Variants in WDR17 observed in about 807,000 individuals in gnomAD.
WDR17 encodes WD repeat domain 17, also known as WD repeat-containing protein 17.
Under a neutral mutation model 161.7 loss-of-function variants are expected in WDR17, and 143 were observed. The observed-to-expected ratio is 0.88, with a 90% CI of 0.77 to 1.02. The LOEUF (loss-of-function observed/expected upper bound fraction) is 1.02. Ranked by LOEUF, WDR17 falls within the 50% of genes least tolerant of loss-of-function variation. The probability of loss-of-function intolerance (pLI) is 0.00; values close to 1 mark genes in which losing one functional copy is unlikely to be tolerated. For synonymous variants in WDR17, 517 were observed against 515.6 expected, an observed-to-expected ratio of 1.00 and a Z score of -0.04; for missense variants, 1,469 against 1,520.9, an observed-to-expected ratio of 0.97 and a Z score of 0.57.
chr4:176,095,595 C>T, intron 1 of WDR17, among the ~76,000 whole-genome samples: 1 of 151,962 alleles, frequency 6.6e-6, no homozygotes, highest in Middle Eastern at 3.4e-3. Flanking sequence ...ATTGTAATTT[C>T]CCCCCTCCCC....
At position 176,177,052 on chromosome 4, in the gene WDR17, G is replaced by A. The variant is rs184279356; in HGVS notation, c.3450-6G>A. On this transcript the variant is annotated splice_region_variant and splice_polypyrimidine_tract_variant and intron_variant, in intron 26 of 28. Coordinates refer to ENST00000508596, the MANE Select transcript of WDR17 (RefSeq NM_181265.4). The stretch of plus-strand genomic sequence containing the variant: ...TCAGATGTTAATTTCCTTTTCACAC[G>A]TTCAGTCAGCTATTAAAACGTCGGG... The A allele has an allele frequency of 7.1e-5, 115 of 1,609,210 alleles. No homozygotes were observed. The African/African-American group carries it at 1.2e-3, about 16-fold the overall frequency.
intron 1 of WDR17, among the ~76,000 whole-genome samples, chr4:176,085,067 C>T (rs185711471): frequency 6.6e-6 from 1 of 151,818 alleles, no homozygotes; most frequent in East Asian, 1.9e-4. Context: ...GCAAGACTCC[C>T]TTGGCTATTC....
At chr4:176,105,904 G>T (rs1159227706) in intron 1 of WDR17, among the ~76,000 whole-genome samples, 1 of 151,780 alleles carries the variant, frequency 6.6e-6, no homozygotes, top group Non-Finnish European at 1.5e-5. Flanking sequence ...TAGAGAAAAA[G>T]ATCAACGAAA....
intron 21 of WDR17, 98 bp downstream of exon 21, chr4:176,162,272 G>A: frequency 9.7e-7 from 1 of 1,034,968 alleles, no homozygotes; most frequent in Non-Finnish European, 1.4e-6. Flanking sequence ...TGTGAGATCT[G>A]GTTTTGCATG....
chr4:176,106,998 A>G (rs946768890), intron 1 of WDR17, among the ~76,000 whole-genome samples: 4 of 152,140 alleles, frequency 2.6e-5, no homozygotes, highest in Non-Finnish European at 5.9e-5. Context: ...ATGGACAGCA[A>G]CCCACAGAAT....
In WDR17 at chr4:176,152,334, C is replaced by T. The variant is rs186187511; in HGVS notation, c.2460+367C>T. Among the ~76,000 whole-genome samples the T allele has an allele frequency of 3.1e-3, 437 of 142,456 alleles. 2 individuals carry two copies. The highest frequency in any genetic ancestry group is 0.011 in the African/African-American group (427 of 38,014). 93.5% of individuals were successfully genotyped at this position (142,456 alleles called of 152,430 possible). ...AAAAAAGCCTGAGCGTGGTGGCTCA[C>T]GCCTGTAATCCCAACACTTTGGGAG... On this transcript the variant is annotated intron_variant, in intron 17 of 28. Transcript: ENST00000508596.
chr4:176,134,015 T>C lies in WDR17; in HGVS notation c.1099-1093T>C, dbSNP rs78713672. On this transcript the variant is annotated intron_variant, in intron 7 of 28. Transcript: ENST00000508596. Reference sequence around the variant, plus strand: ...AATAACATTTAAAACTGCATGTAAGTCCCTGCCTGGATTATGTTCCTAACA... The same window carrying C: ...AATAACATTTAAAACTGCATGTAAGCCCCTGCCTGGATTATGTTCCTAACA... Among the ~76,000 whole-genome samples, 1,488 of 151,824 alleles carry C rather than the reference T, an allele frequency of 9.8e-3. 18 individuals are homozygous for C. The highest frequency in any genetic ancestry group is 0.034 in the African/African-American group (1,424 of 41,538).
intron 1 of WDR17, among the ~76,000 whole-genome samples, chr4:176,083,848 C>T (rs1735073179): frequency 6.6e-6 from 1 of 152,074 alleles, no homozygotes; most frequent in Admixed American, 6.6e-5. Flanking sequence ...TGGTATTGTG[C>T]AGTTTAGTCC....
intron 1 of WDR17, among the ~76,000 whole-genome samples, chr4:176,079,638 T>C (rs1368899134): frequency 3.9e-5 from 6 of 152,138 alleles, no homozygotes. Context: ...TATACCTACA[T>C]ACATATGTTG....
Position 176,130,502 on chromosome 4 carries a change from C to T in WDR17, c.914-1052C>T, listed in dbSNP as rs566428411. ...GCTCATGCCTGTAATCCCAGCACTT[C>T]GGGAGGCCAAGGCGGGCAGATCACA... On this transcript the variant is annotated intron_variant, in intron 6 of 28. Transcript: ENST00000508596. Among the ~76,000 whole-genome samples the T allele has an allele frequency of 2.7e-3, 406 of 151,960 alleles. 5 individuals carry two copies. Among genetic ancestry groups the T allele is most frequent in the Admixed American group, 4.5e-3 (68 of 15,252 alleles).
At chr4:176,142,909 C>T (rs892032614) in intron 11 of WDR17, among the ~76,000 whole-genome samples, 2 of 152,088 alleles carry the variant, frequency 1.3e-5, no homozygotes, top group Non-Finnish European at 2.9e-5. Flanking sequence ...GACGGAGTTT[C>T]ACTCTTGCTG....
chr4:176,139,947 T>C lies in WDR17; in HGVS notation c.1415T>C (p.Ile472Thr), dbSNP rs1328327102. The C allele has an allele frequency of 5.6e-6, 9 of 1,612,124 alleles. No individual in the cohort carries two copies. The highest frequency in any genetic ancestry group is 2.2e-5 in the East Asian group (1 of 44,724). ...IAWSHKDSKRIATCSSDGFCI... is the reference protein window; with the variant it reads ...IAWSHKDSKRTATCSSDGFCI... ...TGGAGTCATAAAGATTCTAAAAGAATAGCAACCTGCAGCAGTGATGGTTTC... is the reference window on the plus strand; with the variant it reads ...TGGAGTCATAAAGATTCTAAAAGAACAGCAACCTGCAGCAGTGATGGTTTC... The change falls in exon 10 of 29, where the codon ATA becomes ACA. Residue 472 changes from isoleucine (I) to threonine (T), a missense_variant. Physicochemically the swap from Ile to Thr is moderately conservative, Grantham distance 89. Coordinates refer to ENST00000508596, the MANE Select transcript of WDR17 (RefSeq NM_181265.4).
chr4:176,087,333 T>G (rs1301818190), intron 1 of WDR17, among the ~76,000 whole-genome samples: 1 of 152,120 alleles, frequency 6.6e-6, no homozygotes, highest in Admixed American at 6.5e-5. Context: ...TTTAGTTATC[T>G]TTTTCTCAGC....
At position 176,160,962 on chromosome 4, in the gene WDR17, G is replaced by T. The variant is rs1319761277; in HGVS notation, c.2710G>T (p.Ala904Ser). 3 of 1,610,558 alleles carry T rather than the reference G, an allele frequency of 1.9e-6. No individual in the cohort carries two copies. In the South Asian group the frequency reaches 3.3e-5, roughly 18 times the overall value. Residue 904 changes from alanine (A) to serine (S), a missense_variant, in exon 20 of 29, where the codon GCT (alanine) becomes TCT (serine). Transcript: ENST00000508596. ...CTTACATGTTTCCGTGCCTAAAGGAGCTTCATATTCTGATGATATCTACAA... is the reference window on the plus strand; with the variant it reads ...CTTACATGTTTCCGTGCCTAAAGGATCTTCATATTCTGATGATATCTACAA... Reference protein sequence around the residue: ...QPLHVSVPKGASYSDDIYKED... With the variant: ...QPLHVSVPKGSSYSDDIYKED...
At chr4:176,083,272 T>A (rs1198058968) in intron 1 of WDR17, among the ~76,000 whole-genome samples, 2 of 152,084 alleles carry the variant, frequency 1.3e-5, no homozygotes, top group African/African-American at 2.4e-5. Flanking sequence ...TAAAAAGAAC[T>A]CATTGACTAT....
intron 11 of WDR17, among the ~76,000 whole-genome samples, chr4:176,142,955 C>T (rs6850923): frequency 0.24 from 35,807 of 152,114 alleles, 4,337 homozygotes; most frequent in South Asian, 0.28. Flanking sequence ...TCTCGGCTCA[C>T]GGCAACCTCC....
In WDR17 at chr4:176,151,859, T is replaced by C. The variant is rs778917287; in HGVS notation, c.2352T>C (p.Gly784=). 4 of 1,610,090 alleles carry C rather than the reference T, an allele frequency of 2.5e-6. No individual in the cohort carries two copies. Among genetic ancestry groups the C allele is most frequent in the Non-Finnish European group, 3.4e-6 (4 of 1,178,730 alleles). ...LTTVKMSKFG[G]GIGVPAKEER... ...CAGTCAAGATGTCTAAATTTGGTGG[T>C]GGTATTGGTGTACCTGCTAAAGAGG... is the stretch of plus-strand genomic sequence containing the variant. The change falls in exon 17 of 29, where the codon GGT becomes GGC. Residue 784 remains glycine (G), a synonymous_variant. Coordinates refer to ENST00000508596, the MANE Select transcript of WDR17 (RefSeq NM_181265.4).
intron 17 of WDR17, among the ~76,000 whole-genome samples, chr4:176,154,594 G>A (rs994696023): frequency 2.6e-5 from 4 of 152,176 alleles, no homozygotes; most frequent in Admixed American, 1.3e-4. Context: ...TCTATTGAAA[G>A]AGCTTGGTGA....
chr4:176,168,277 C>A (rs969363934), intron 22 of WDR17, among the ~76,000 whole-genome samples: 5 of 152,142 alleles, frequency 3.3e-5, no homozygotes, highest in South Asian at 2.1e-4. Context: ...CTGGCTGATA[C>A]AATTTATCAA....
Sources: gnomAD v4.1 joint callset for allele counts (sites outside exome capture counted in the v4.1 genomes callset) on GRCh38, gnomAD v4.1.1 for gene constraint, MANE v1.5 for transcripts, NCBI Gene and HGNC (gene_info 2026-07-23, HGNC 2026-07-21) for gene names.